Variants in SHC2 observed in about 807,000 individuals in gnomAD.
The protein encoded by SHC2 is SHC-transforming protein 2.
Under a neutral mutation model 60.6 loss-of-function variants are expected in SHC2, and 62 were observed. That is an observed-to-expected ratio of 1.02 (90% CI 0.83 to 1.26). SHC2 has a LOEUF of 1.26. SHC2 is among the 50% of genes most tolerant of loss of function. SHC2 has a pLI of 0.00. For synonymous variants in SHC2, 375 were observed against 372.4 expected, an observed-to-expected ratio of 1.01 and a Z score of -0.08; for missense variants, 873 against 822.2, an observed-to-expected ratio of 1.06 and a Z score of -0.76.
At chr19:435,713 GTGTT>G (rs2145718475) in intron 7 of SHC2, 1 of 163,632 alleles carries the variant, frequency 6.1e-6, no homozygotes, top group Admixed American at 5.8e-5. Context: ...TCAAAGTTAA[GTGTT>G]TGAGAAAACA....
intron 1 of SHC2, among the ~76,000 whole-genome samples, chr19:451,583 C>G (rs73489621): frequency 0.033 from 5,060 of 152,228 alleles, 280 homozygotes; most frequent in African/African-American, 0.11. Context: ...TAAGGTAATT[C>G]TCTTTAACTT....
At chr19:457,694 TC>T (rs1225584661) in intron 1 of SHC2, among the ~76,000 whole-genome samples, 1 of 152,178 alleles carries the variant, frequency 6.6e-6, no homozygotes, top group Non-Finnish European at 1.5e-5. Context: ...TCCCCCAACA[TC>T]CGGAGCCCCA....
intron 1 of SHC2, among the ~76,000 whole-genome samples, chr19:450,766 G>A (rs571185437): frequency 6.6e-6 from 1 of 151,888 alleles, no homozygotes; most frequent in South Asian, 2.1e-4. Context: ...TTCCTTGGCC[G>A]CATCATATTG....
intron 11 of SHC2, among the ~76,000 whole-genome samples, chr19:420,632 G>A (rs1441627065): frequency 4.6e-5 from 7 of 152,198 alleles, no homozygotes; most frequent in African/African-American, 1.2e-4. Flanking sequence ...GTACCAGGAG[G>A]AGAGAGAAGA....
At chr19:439,073 GC>G in intron 2 of SHC2, 43 bp from the exon 3 acceptor site, 1 of 1,296,634 alleles carries the variant, frequency 7.7e-7, no homozygotes, top group Non-Finnish European at 1.1e-6. Context: ...GGTGGGGGTG[GC>G]CATGGAGGGA....
At chr19:457,937 G>T (rs1469790434) in intron 1 of SHC2, among the ~76,000 whole-genome samples, 1 of 152,184 alleles carries the variant, frequency 6.6e-6, no homozygotes, top group Admixed American at 6.5e-5. Context: ...AGACCCGGGG[G>T]AGGCGGAAGT....
intron 1 of SHC2, 28 bp downstream of exon 1, chr19:460,501 G>A: frequency 9.8e-7 from 1 of 1,022,164 alleles, no homozygotes; most frequent in Non-Finnish European, 1.2e-6. Context: ...CCGCGAACGG[G>A]CTCCCGGGGG....
intron 10 of SHC2, among the ~76,000 whole-genome samples, chr19:423,893 G>C (rs928143653): frequency 1.4e-4 from 22 of 152,342 alleles, no homozygotes; most frequent in Admixed American, 1.4e-3. Flanking sequence ...CTGCCTCAGA[G>C]GGAAGCTCAG....
At chr19:419,107 T>C (rs1974215041) in intron 11 of SHC2, 51 bp from the exon 12 acceptor site, 2 of 1,523,064 alleles carry the variant, frequency 1.3e-6, no homozygotes, top group South Asian at 2.5e-5. Flanking sequence ...CCTGGACCCG[T>C]GGAGTAGGAT....
chr19:419,396 G>A (rs907978760), intron 11 of SHC2: 2 of 237,158 alleles, frequency 8.4e-6, no homozygotes, highest in East Asian at 8.6e-5. Flanking sequence ...CAAGGGTCCT[G>A]GGACGAATGC....
chr19:439,115 G>T, intron 2 of SHC2, 85 bp from the exon 3 acceptor site: 1 of 470,080 alleles, frequency 2.1e-6, no homozygotes. Context: ...AGAGGGCGGG[G>T]GTCTGGGGAG....
At chr19:458,455 G>T (rs1295898409) in intron 1 of SHC2, among the ~76,000 whole-genome samples, 1 of 139,386 alleles carries the variant, frequency 7.2e-6, no homozygotes, top group Non-Finnish European at 1.6e-5. Flanking sequence ...GGCGGAAGTG[G>T]GTTCCGGGGA....
At chr19:443,664 G>A (rs550485697) in intron 1 of SHC2, among the ~76,000 whole-genome samples, 78 of 146,860 alleles carry the variant, frequency 5.3e-4, no homozygotes, top group South Asian at 2.2e-3. Flanking sequence ...GTGGACAGAT[G>A]GGTGGATGAA....
Position 422,615 on chromosome 19 carries a change from AG to A in SHC2, c.1310-160del, listed in dbSNP as rs1463346003. 1 of 639,414 alleles carries A rather than the reference AG, an allele frequency of 1.6e-6. No individual in the cohort carries two copies. The highest frequency in any genetic ancestry group is 3.1e-5 in the Admixed American group (1 of 32,550). 39.6% of individuals were successfully genotyped at this position (639,414 alleles called of 1,614,324 possible). A position where few individuals can be genotyped will look rare whatever the true frequency, so the allele number is the denominator to read the frequency against. On this transcript the variant is annotated intron_variant, in intron 10 of 12. Coordinates refer to ENST00000264554, the MANE Select transcript of SHC2 (RefSeq NM_012435.3). The surrounding 1 kb of genome is among the most constrained non-coding windows in gnomAD (Gnocchi z 5.0). ...AGCGTATCAGACTCGCACTCTGCCCAGCCCCGTGCGTGCGGTGGGCTCACAT... is the reference window on the plus strand; with the variant it reads ...AGCGTATCAGACTCGCACTCTGCCCACCCCGTGCGTGCGGTGGGCTCACAT...
intron 1 of SHC2, among the ~76,000 whole-genome samples, chr19:442,143 C>T (rs1974887244): frequency 6.6e-6 from 1 of 152,142 alleles, no homozygotes; most frequent in African/African-American, 2.4e-5. Flanking sequence ...AGCAGCCTCA[C>T]CTCCTGTTGA....
At chr19:435,861 C>T (rs949803019) in intron 7 of SHC2, 63 of 340,032 alleles carry the variant, frequency 1.9e-4, no homozygotes, top group Admixed American at 1.8e-3. Context: ...CTGCCCATTG[C>T]GGGAGCCGGC....
In SHC2 at chr19:438,575, G is replaced by C; in HGVS notation, c.720+143C>G. On this transcript the variant is annotated intron_variant, in intron 4 of 12. Coordinates refer to ENST00000264554, the MANE Select transcript of SHC2 (RefSeq NM_012435.3). The surrounding 1 kb of genome is among the most constrained non-coding windows in gnomAD (Gnocchi z 5.0). ...CGTGAGGGCAGTGGCTGCACCCCCA[G>C]CTCCTGCTCAGCGGGGCCTCGGCTC... The C allele has an allele frequency of 2.0e-6, 2 of 1,002,994 alleles. No homozygotes were observed. The highest frequency in any genetic ancestry group is 2.9e-6 in the Non-Finnish European group (2 of 697,686). 62.1% of individuals were successfully genotyped at this position (1,002,994 alleles called of 1,614,324 possible).
rs1407248599 is a variant in SHC2, at chr19:419,002, G to A, written c.1675C>T (p.Leu559=). The A allele has an allele frequency of 6.3e-7, 1 of 1,587,270 alleles. No homozygotes were observed. The highest frequency in any genetic ancestry group is 8.6e-7 in the Non-Finnish European group (1 of 1,167,342). Residue 559 remains leucine (L), a synonymous_variant, in exon 12 of 13, where the codon CTG becomes TTG. Transcript: ENST00000264554. ...GCCACGATGGGCTGCCCGTTCTGCA[G>A]GTGGTGGTCGATCAGGTGGCTGATG... The part of the protein sequence containing the change: ...ESISHLIDHH[L]QNGQPIVAAE...
chr19:457,146 A>T (rs1975364917), intron 1 of SHC2, among the ~76,000 whole-genome samples: 1 of 125,446 alleles, frequency 8.0e-6, no homozygotes, highest in African/African-American at 3.3e-5. Context: ...CTGTCTGCAA[A>T]CCCCACCACA....
Sources: gnomAD v4.1 joint callset for allele counts (sites outside exome capture counted in the v4.1 genomes callset) on GRCh38, gnomAD v4.1.1 for gene constraint, Gnocchi (gnomAD v3.1) non-coding constraint, MANE v1.5 for transcripts, NCBI Gene and HGNC (gene_info 2026-07-23, HGNC 2026-07-21) for gene names.